DISC1: variants seen among roughly 807,000 people sequenced by gnomAD.
DISC1 encodes disrupted in schizophrenia 1 protein.
Under a neutral mutation model 84.5 loss-of-function variants are expected in DISC1, and 57 were observed. The ratio of observed to expected loss-of-function variants is 0.67; its 90% CI spans 0.55 to 0.84. DISC1 has a LOEUF of 0.84. Among genes scored for constraint, DISC1 ranks in the 40% least tolerant of loss-of-function variants. DISC1 has a pLI of 0.00. For synonymous variants in DISC1, 411 were observed against 415.2 expected (o/e 0.99, Z 0.12); for missense variants, 1,000 against 1,057.8 (o/e 0.95, Z 0.76).
At chr1:231,982,467 T>A (rs1291543715) in intron 10 of DISC1, among the ~76,000 whole-genome samples, 1 of 152,190 alleles carries the variant, frequency 6.6e-6, no homozygotes, top group Non-Finnish European at 1.5e-5. Context: ...TTCTATTCCC[T>A]GGAGCTCTGG....
chr1:231,990,731 T>C (rs2102915708), intron 10 of DISC1, among the ~76,000 whole-genome samples: 1 of 152,336 alleles, frequency 6.6e-6, no homozygotes, highest in African/African-American at 2.4e-5. Flanking sequence ...CTGCTTCCCC[T>C]GCAGACACAC....
intron 12 of DISC1, among the ~76,000 whole-genome samples, chr1:232,028,445 T>C (rs1275621247): frequency 1.3e-5 from 2 of 152,120 alleles, no homozygotes; most frequent in South Asian, 2.1e-4. Context: ...GAGGCAGCTC[T>C]AGTAAAGACC....
chr1:231,817,438 C>T (rs960173342), intron 8 of DISC1, among the ~76,000 whole-genome samples: 1 of 152,098 alleles, frequency 6.6e-6, no homozygotes, highest in Admixed American at 6.6e-5. Flanking sequence ...AACCTCATAA[C>T]ATTTTGATTG....
intron 10 of DISC1, among the ~76,000 whole-genome samples, chr1:231,997,421 ACTC>A (rs1666097452): frequency 6.6e-6 from 1 of 151,954 alleles, no homozygotes; most frequent in African/African-American, 2.4e-5. Context: ...ATAACAGAGA[ACTC>A]CTCAGGTAAC....
chr1:231,736,862 C>T (rs1245489711), intron 3 of DISC1, among the ~76,000 whole-genome samples: 1 of 152,190 alleles, frequency 6.6e-6, no homozygotes, highest in African/African-American at 2.4e-5. Flanking sequence ...ATGGTCTACA[C>T]TATATATTTT....
At chr1:232,004,855 C>CCCT (rs1667146391) in intron 10 of DISC1, among the ~76,000 whole-genome samples, 1 of 107,288 alleles carries the variant, frequency 9.3e-6, no homozygotes, top group Non-Finnish European at 2.0e-5. Flanking sequence ...ATCTCTCCCT[C>CCCT]CCTCCCTCCC....
chr1:231,837,809 C>A (rs894896209), intron 9 of DISC1, among the ~76,000 whole-genome samples: 1 of 152,124 alleles, frequency 6.6e-6, no homozygotes, highest in Non-Finnish European at 1.5e-5. Context: ...GAAACTGAAG[C>A]ATGCCATTGT....
At chr1:231,916,809 AG>A (rs2089671714) in intron 9 of DISC1, among the ~76,000 whole-genome samples, 1 of 152,206 alleles carries the variant, frequency 6.6e-6, no homozygotes, top group East Asian at 1.9e-4. Context: ...TTGTTGGACA[AG>A]TTTATTCCTG....
intron 3 of DISC1, among the ~76,000 whole-genome samples, chr1:231,730,918 G>T (rs1173781734): frequency 6.6e-6 from 1 of 152,036 alleles, no homozygotes; most frequent in African/African-American, 2.4e-5. Flanking sequence ...TTATTTTTAT[G>T]CAGGAGAGCC....
At chr1:231,781,729 T>G (rs907011169) in intron 6 of DISC1, among the ~76,000 whole-genome samples, 1 of 147,788 alleles carries the variant, frequency 6.8e-6, no homozygotes, top group Non-Finnish European at 1.5e-5. Context: ...TTTTGTAAGT[T>G]GTATGTTACT....
At chr1:231,957,555 T>C (rs530141767) in intron 9 of DISC1, among the ~76,000 whole-genome samples, 2 of 152,326 alleles carry the variant, frequency 1.3e-5, no homozygotes, top group East Asian at 1.9e-4. Context: ...TAAATATGTA[T>C]GGGATGTGAA....
chr1:232,004,307 A>G (rs1050170078), intron 10 of DISC1, among the ~76,000 whole-genome samples: 10 of 152,078 alleles, frequency 6.6e-5, no homozygotes, highest in African/African-American at 2.4e-4. Flanking sequence ...TGAAAGGAGT[A>G]ATAAGATAGC....
At position 231,954,864 on chromosome 1, in the gene DISC1, G is replaced by A. The variant is rs979090200; in HGVS notation, c.1982-3964G>A. Among the ~76,000 whole-genome samples, 2 of 152,184 alleles carry A rather than the reference G, an allele frequency of 1.3e-5. No homozygotes were observed. Among genetic ancestry groups the A allele is most frequent in the African/African-American group, 4.8e-5 (2 of 41,430 alleles). The stretch of plus-strand genomic sequence containing the variant: ...AATACATGCAAGGTACTTTTAGGCT[G>A]TCTGGCTGGGAGATAAGTTGGGTCC... On this transcript the variant is annotated intron_variant, in intron 9 of 12. Coordinates refer to ENST00000439617, the MANE Select transcript of DISC1 (RefSeq NM_018662.3). The surrounding 1 kb of genome is among the most constrained non-coding windows in gnomAD (Gnocchi z 4.8).
chr1:232,026,768 T>TC (rs1158866416), intron 12 of DISC1, among the ~76,000 whole-genome samples: 3 of 80,762 alleles, frequency 3.7e-5, no homozygotes, highest in Non-Finnish European at 7.0e-5. Context: ...TTTTCTTTTT[T>TC]TTTTTTTTTT....
rs2065980827 is a variant in DISC1 at position 231,698,420 on chromosome 1, G to A, written c.1048-3535G>A. ...TGACCAGGCATGCAGAGGAGGGGAAGTGGAGTGGGCCCTGCAAGGTAGGCT... is the reference window on the plus strand; with the variant it reads ...TGACCAGGCATGCAGAGGAGGGGAAATGGAGTGGGCCCTGCAAGGTAGGCT... On this transcript the variant is annotated intron_variant, in intron 2 of 12. Transcript: ENST00000439617. The surrounding 1 kb of genome is among the most constrained non-coding windows in gnomAD (Gnocchi z 4.9). Among the ~76,000 whole-genome samples, 1 of 152,184 alleles carries A rather than the reference G, an allele frequency of 6.6e-6. No individual in the cohort carries two copies. Among genetic ancestry groups the A allele is most frequent in the Admixed American group, 6.5e-5 (1 of 15,272 alleles).
Position 231,830,412 on chromosome 1 carries a change from G to A in DISC1, c.1981+11895G>A, listed in dbSNP as rs546678242. ...ACAGGTATTAAAGGTCTAAGAATTG[G>A]GAGGACCTAGGACATCTAATTAGAG... On this transcript the variant is annotated intron_variant, in intron 9 of 12. Coordinates refer to ENST00000439617, the MANE Select transcript of DISC1 (RefSeq NM_018662.3). Among the ~76,000 whole-genome samples, 253 of 152,278 alleles carry A rather than the reference G, an allele frequency of 1.7e-3. 1 individual carries two copies. Among genetic ancestry groups the A allele is most frequent in the African/African-American group, 5.9e-3 (244 of 41,552 alleles).
chr1:232,003,204 G>C (rs1666935051), intron 10 of DISC1, among the ~76,000 whole-genome samples: 1 of 152,082 alleles, frequency 6.6e-6, no homozygotes, highest in African/African-American at 2.4e-5. Context: ...CTTAGAATGG[G>C]TTTTATACAA....
chr1:231,886,092 T>C (rs750436874), intron 9 of DISC1, among the ~76,000 whole-genome samples: 2 of 152,178 alleles, frequency 1.3e-5, no homozygotes, highest in African/African-American at 4.8e-5. Context: ...CCTTTTCTAA[T>C]GAACCCCCTC....
At chr1:232,020,877 AG>A (rs1668895231) in intron 11 of DISC1, among the ~76,000 whole-genome samples, 1 of 152,318 alleles carries the variant, frequency 6.6e-6, no homozygotes, top group African/African-American at 2.4e-5. Flanking sequence ...TCCTCCTACC[AG>A]GGGATCTCTG....
Sources: gnomAD v4.1 joint callset for allele counts (sites outside exome capture counted in the v4.1 genomes callset) on GRCh38, gnomAD v4.1.1 for gene constraint, Gnocchi (gnomAD v3.1) non-coding constraint, MANE v1.5 for transcripts, NCBI Gene and HGNC (gene_info 2026-07-23, HGNC 2026-07-21) for gene names.